GPHN: variants seen among roughly 807,000 people sequenced by gnomAD.
GPHN encodes the protein gephyrin.
GPHN carries 17 observed loss-of-function variants against 95.5 expected under a neutral mutation model. The observed-to-expected ratio is 0.18, with a 90% CI of 0.12 to 0.27. GPHN has a LOEUF of 0.27. Among genes scored for constraint, GPHN ranks in the 10% least tolerant of loss-of-function variants. The probability of loss-of-function intolerance (pLI) is 1.00; values close to 1 mark genes in which losing one functional copy is unlikely to be tolerated. For missense variants in GPHN, 660 were observed against 978.1 expected (o/e 0.67, Z 4.34); for synonymous variants, 320 against 322.5 (o/e 0.99, Z 0.08).
the GPHN span, among the ~76,000 whole-genome samples, chr14:67,502,583 G>C: frequency 3.3e-5 from 5 of 150,882 alleles, no homozygotes; most frequent in Admixed American, 2.7e-4. Context: ...CTCCTGAGTA[G>C]CTGGGATTAC....
At chr14:67,095,459 G>A (rs1452931965) in intron 12 of GPHN, among the ~76,000 whole-genome samples, 2 of 152,108 alleles carry the variant, frequency 1.3e-5, no homozygotes, top group Non-Finnish European at 1.5e-5. Context: ...AAATCATGCT[G>A]CTATAAAGAC....
At chr14:67,364,482 G>A in the GPHN span, 6 of 298,090 alleles carry the variant, frequency 2.0e-5, no homozygotes, top group Non-Finnish European at 3.8e-5. Context: ...CTTAGGTCTT[G>A]GAGTACTTTA....
chr14:67,234,572 TAG>T, the GPHN span, among the ~76,000 whole-genome samples: 2 of 152,010 alleles, frequency 1.3e-5, no homozygotes, highest in Non-Finnish European at 2.9e-5. Flanking sequence ...TGTTTTGAAA[TAG>T]AGTCTCACTC....
chr14:67,645,830 T>C, the GPHN span: 1 of 1,611,080 alleles, frequency 6.2e-7, no homozygotes, highest in African/African-American at 1.3e-5. Flanking sequence ...AAAAGAAAGG[T>C]GAATGGCTTG....
intron 17 of GPHN, among the ~76,000 whole-genome samples, chr14:67,137,987 T>A (rs1030884200): frequency 6.6e-6 from 1 of 152,118 alleles, no homozygotes; most frequent in Non-Finnish European, 1.5e-5. Context: ...TAAGTCAAAT[T>A]TTAGAAGTAC....
Position 66,596,885 on chromosome 14 carries a change from C to T in GPHN, c.65-84222C>T, listed in dbSNP as rs193165472. ...GCTGGCTCCGTGGAGTGCACAGCCC[C>T]AGCTGTGCCTCCCCCACTGCATCTG... is the stretch of plus-strand genomic sequence containing the variant. On this transcript the variant is annotated intron_variant, in intron 1 of 22. Transcript: ENST00000478722. 1.4e-4 allele frequency among the ~76,000 whole-genome samples: 21 copies of T among 152,316 alleles called. No individual in the cohort carries two copies. In the South Asian group the frequency reaches 1.9e-3, roughly 14 times the overall value.
intron 1 of GPHN, among the ~76,000 whole-genome samples, chr14:66,578,896 G>C (rs931671351): frequency 6.6e-6 from 1 of 151,766 alleles, no homozygotes. Context: ...AAATTCACTG[G>C]TGAAAGTAAG....
At chr14:66,646,135 A>C (rs2064731887) in intron 1 of GPHN, among the ~76,000 whole-genome samples, 1 of 152,212 alleles carries the variant, frequency 6.6e-6, no homozygotes, top group African/African-American at 2.4e-5. Flanking sequence ...AAAATTGGGC[A>C]AGGACTTGAA....
chr14:66,675,990 G>A (rs1419080517), intron 1 of GPHN, among the ~76,000 whole-genome samples: 1 of 151,796 alleles, frequency 6.6e-6, no homozygotes, highest in African/African-American at 2.4e-5. Flanking sequence ...AATTTGTTTA[G>A]AAGTTCAAAG....
At chr14:66,555,501 C>T (rs1252905113) in intron 1 of GPHN, among the ~76,000 whole-genome samples, 1 of 152,072 alleles carries the variant, frequency 6.6e-6, no homozygotes, top group African/African-American at 2.4e-5. Flanking sequence ...TGCCCCCCCG[C>T]AACCCACGCT....
chr14:67,127,780 G>A (rs2079424715), intron 17 of GPHN, among the ~76,000 whole-genome samples: 1 of 152,086 alleles, frequency 6.6e-6, no homozygotes, highest in African/African-American at 2.4e-5. Context: ...TATTTTAGAA[G>A]GTTCCAGAAC....
chr14:67,557,032 C>G, the GPHN span, among the ~76,000 whole-genome samples: 31 of 152,350 alleles, frequency 2.0e-4, no homozygotes, highest in African/African-American at 6.7e-4. Context: ...CTCCTCTTAC[C>G]TATCTCTCCA....
At chr14:66,561,478 A>G (rs535592450) in intron 1 of GPHN, among the ~76,000 whole-genome samples, 28 of 152,192 alleles carry the variant, frequency 1.8e-4, no homozygotes, top group African/African-American at 6.7e-4. Context: ...CTGAGGTAGC[A>G]TGGACTAAAA....
At chr14:67,285,603 C>A in the GPHN span, among the ~76,000 whole-genome samples, 2 of 151,974 alleles carry the variant, frequency 1.3e-5, no homozygotes, top group Non-Finnish European at 2.9e-5. Context: ...TCTCTGATCT[C>A]CTGATCCAGC....
At chr14:66,910,151 C>T (rs568619658) in intron 5 of GPHN, among the ~76,000 whole-genome samples, 31 of 151,888 alleles carry the variant, frequency 2.0e-4, no homozygotes, top group East Asian at 7.7e-4. Flanking sequence ...CACTAACAGA[C>T]GGAAATACAC....
chr14:66,900,629 A>G (rs2065081234), intron 5 of GPHN, among the ~76,000 whole-genome samples: 2 of 151,888 alleles, frequency 1.3e-5, no homozygotes, highest in South Asian at 4.1e-4. Context: ...ATTATGAGGG[A>G]GAACTTGCGA....
chr14:67,496,394 T>TTTTTTG, the GPHN span, among the ~76,000 whole-genome samples: 3 of 71,168 alleles, frequency 4.2e-5, no homozygotes, highest in Non-Finnish European at 8.9e-5. Context: ...CTCCGGCGTT[T>TTTTTTG]TTTTTTTTTT....
chr14:66,757,680 A>G (rs969738284), intron 2 of GPHN, among the ~76,000 whole-genome samples: 6 of 152,112 alleles, frequency 3.9e-5, no homozygotes, highest in Non-Finnish European at 8.8e-5. Flanking sequence ...GTGAGCCACC[A>G]CACCTGGCTG....
At chr14:67,103,509 C>CTTTTT (rs1226189079) in intron 13 of GPHN, among the ~76,000 whole-genome samples, 1 of 65,612 alleles carries the variant, frequency 1.5e-5, no homozygotes, top group African/African-American at 6.7e-5. Context: ...CTGTTTCTTT[C>CTTTTT]TCTTTTTTTT....
Sources: gnomAD v4.1 joint callset for allele counts (sites outside exome capture counted in the v4.1 genomes callset) on GRCh38, gnomAD v4.1.1 for gene constraint, MANE v1.5 for transcripts, NCBI Gene and HGNC (gene_info 2026-07-23, HGNC 2026-07-21) for gene names.